Variants in KIF26B observed in about 807,000 individuals in gnomAD.
The protein encoded by KIF26B is kinesin family member 26B, also known as kinesin-like protein KIF26B.
KIF26B carries 63 observed loss-of-function variants against 151.2 expected under a neutral mutation model. The observed-to-expected ratio is 0.42, with a 90% confidence interval of 0.34 to 0.51. The LOEUF is 0.51. KIF26B is among the 20% of genes least tolerant of loss of function. KIF26B has a pLI of 0.07. For synonymous variants in KIF26B, 1,357 were observed against 1,262.1 expected (o/e 1.08, Z -1.59); for missense variants, 2,813 against 2,913.6 (o/e 0.97, Z 0.79).
chr1:245,451,053 A>G (rs959681377), intron 4 of KIF26B, among the ~76,000 whole-genome samples: 51 of 150,840 alleles, frequency 3.4e-4, no homozygotes, highest in African/African-American at 1.2e-3. Context: ...TTTTTTTTTG[A>G]AGAGACATTT....
intron 4 of KIF26B, among the ~76,000 whole-genome samples, chr1:245,494,990 A>G (rs1024693181): frequency 6.6e-6 from 1 of 152,200 alleles, no homozygotes; most frequent in East Asian, 1.9e-4. Flanking sequence ...CAGTGAGTCA[A>G]CTTCACTTCA....
chr1:245,697,671 T>C (rs1055749388), intron 12 of KIF26B, among the ~76,000 whole-genome samples: 1 of 152,064 alleles, frequency 6.6e-6, no homozygotes, highest in African/African-American at 2.4e-5. Flanking sequence ...TGTTTAGCCC[T>C]ACCTCAGATC....
chr1:245,320,173 G>T (rs1671861054), intron 2 of KIF26B, among the ~76,000 whole-genome samples: 1 of 152,196 alleles, frequency 6.6e-6, no homozygotes, highest in Non-Finnish European at 1.5e-5. Flanking sequence ...TTCACACAGT[G>T]CTCAGAACAG....
In KIF26B at chr1:245,318,122, C is replaced by G. The variant is rs889342046; in HGVS notation, c.466-48712C>G. On this transcript the variant is annotated intron_variant, in intron 2 of 14. Coordinates refer to ENST00000407071, the MANE Select transcript of KIF26B (RefSeq NM_018012.4). This position sits in a 1 kb window ranked among gnomAD's most constrained non-coding sequence, Gnocchi z 4.0. ...TTCTCAGTTCAGATTGCCTCTGTTG[C>G]AAGGACTGAGAACTCTGAGGAGATC... is the stretch of plus-strand genomic sequence containing the variant. 6.6e-5 allele frequency among the ~76,000 whole-genome samples: 10 copies of G among 152,170 alleles called. No individual in the cohort carries two copies. Among genetic ancestry groups the G allele is most frequent in the Non-Finnish European group, 4.4e-5 (3 of 68,038 alleles).
rs1377734530 is a variant in KIF26B, at chr1:245,375,037, A to C, written c.999+7670A>C. On this transcript the variant is annotated intron_variant, in intron 3 of 14. Transcript: ENST00000407071. This position sits in a 1 kb window ranked among gnomAD's most constrained non-coding sequence, Gnocchi z 4.2. ...TTACCTTACATGGTAAAAGGGCCTC[A>C]GCAGATGTGATTAAGCCAAGGATCT... Among the ~76,000 whole-genome samples, 1 of 152,228 alleles carries C rather than the reference A, an allele frequency of 6.6e-6. No individual in the cohort carries two copies. Among genetic ancestry groups the C allele is most frequent in the Non-Finnish European group, 1.5e-5 (1 of 68,040 alleles).
chr1:245,486,159 A>G (rs1343460556), intron 4 of KIF26B, among the ~76,000 whole-genome samples: 2 of 152,258 alleles, frequency 1.3e-5, no homozygotes, highest in Non-Finnish European at 2.9e-5. Context: ...TAATTTAAGC[A>G]CATAGTCTTT....
intron 4 of KIF26B, among the ~76,000 whole-genome samples, chr1:245,453,972 C>A (rs1659455824): frequency 1.3e-5 from 2 of 152,146 alleles, no homozygotes; most frequent in African/African-American, 4.8e-5. Flanking sequence ...GGGCCACAAA[C>A]CCACCTAAGG....
At chr1:245,541,522 T>A (rs1018668899) in intron 5 of KIF26B, among the ~76,000 whole-genome samples, 1 of 152,264 alleles carries the variant, frequency 6.6e-6, no homozygotes, top group African/African-American at 2.4e-5. Context: ...TGGGATCACT[T>A]TATTTTTAAA....
At position 245,439,357 on chromosome 1, in the gene KIF26B, A is replaced by AAAAAAAG. The variant is rs1553274570; in HGVS notation, c.1166+19623_1166+19629dup. 5.4e-3 allele frequency among the ~76,000 whole-genome samples: 677 copies of AAAAAAAG among 124,656 alleles called. 20 individuals carry two copies. The highest frequency in any genetic ancestry group is 0.012 in the Middle Eastern group (3 of 248). The allele number at this position is 124,656 out of a possible 152,430, so 81.8% of individuals were successfully genotyped here. On this transcript the variant is annotated intron_variant, in intron 4 of 14. Transcript: ENST00000407071. ...ACAAGACCCTGTCTCAAAAAAAAAAAAAAAAAGAAAAAAGAAAGGTAATAA... is the reference window on the plus strand; with the variant it reads ...ACAAGACCCTGTCTCAAAAAAAAAAAAAAAAAGAAAAAAGAAAAAAGAAAGGTAATAA...
chr1:245,672,027 C>CA (rs59981905), intron 10 of KIF26B, among the ~76,000 whole-genome samples: 4,323 of 152,298 alleles, frequency 0.028, 189 homozygotes, highest in African/African-American at 0.099. Context: ...GTCACCATCA[C>CA]ATGATAAGGG....
intron 4 of KIF26B, among the ~76,000 whole-genome samples, chr1:245,432,366 G>A (rs145130099): frequency 1.3e-5 from 2 of 152,304 alleles, no homozygotes; most frequent in African/African-American, 4.8e-5. Context: ...GGGAAATTGA[G>A]ATTCTTATTA....
chr1:245,282,243 A>G (rs1671070181), intron 2 of KIF26B, among the ~76,000 whole-genome samples: 3 of 152,138 alleles, frequency 2.0e-5, no homozygotes, highest in Admixed American at 6.5e-5. Context: ...GGAAAAAACT[A>G]CTTTAAAGTT....
At chr1:245,674,273 A>G (rs2044330430) in intron 10 of KIF26B, among the ~76,000 whole-genome samples, 2 of 152,230 alleles carry the variant, frequency 1.3e-5, no homozygotes, top group Admixed American at 6.5e-5. Context: ...CTGATAACTC[A>G]GGATAATGAT....
At chr1:245,231,744 C>A (rs150016643) in intron 2 of KIF26B, among the ~76,000 whole-genome samples, 15 of 152,110 alleles carry the variant, frequency 9.9e-5, no homozygotes, top group African/African-American at 3.6e-4. Context: ...GTCAAAAATA[C>A]CAAGTCACTT....
At chr1:245,690,737 G>T (rs2044612953) in intron 12 of KIF26B, among the ~76,000 whole-genome samples, 1 of 147,004 alleles carries the variant, frequency 6.8e-6, no homozygotes, top group Non-Finnish European at 1.5e-5. Context: ...ATCTTTATTT[G>T]CCTGGGGGGG....
At position 245,521,731 on chromosome 1, in the gene KIF26B, T is replaced by G. The variant is rs1457308560; in HGVS notation, c.1167-19036T>G. Among the ~76,000 whole-genome samples, 3 of 152,172 alleles carry G rather than the reference T, an allele frequency of 2.0e-5. No homozygotes were observed. The East Asian group carries it at 5.8e-4, about 29-fold the overall frequency. ...TAGTGCTCACTATAGACAAGGCAATTTTGGGGAATGCAGTTGTAGGAAAGA... is the reference window on the plus strand; with the variant it reads ...TAGTGCTCACTATAGACAAGGCAATGTTGGGGAATGCAGTTGTAGGAAAGA... On this transcript the variant is annotated intron_variant, in intron 4 of 14. Transcript: ENST00000407071.
At chr1:245,213,639 G>A (rs1286030223) in intron 2 of KIF26B, among the ~76,000 whole-genome samples, 1 of 152,204 alleles carries the variant, frequency 6.6e-6, no homozygotes, top group Non-Finnish European at 1.5e-5. Context: ...CCGGAGCCTG[G>A]GCAGTCAATC....
intron 5 of KIF26B, among the ~76,000 whole-genome samples, chr1:245,590,101 C>T (rs1314131630): frequency 1.3e-5 from 2 of 151,956 alleles, no homozygotes; most frequent in African/African-American, 4.8e-5. Flanking sequence ...AATAAGCCGC[C>T]TCTGTGGCGG....
chr1:245,514,177 T>C (rs1240097998), intron 4 of KIF26B, among the ~76,000 whole-genome samples: 1 of 152,178 alleles, frequency 6.6e-6, no homozygotes, highest in Non-Finnish European at 1.5e-5. Flanking sequence ...TGTACATATT[T>C]TAAAACAATG....
Sources: gnomAD v4.1 joint callset for allele counts (sites outside exome capture counted in the v4.1 genomes callset) on GRCh38, gnomAD v4.1.1 for gene constraint, Gnocchi (gnomAD v3.1) non-coding constraint, MANE v1.5 for transcripts, NCBI Gene and HGNC (gene_info 2026-07-23, HGNC 2026-07-21) for gene names.